Variants in ZNF407 observed in about 807,000 individuals in gnomAD.
ZNF407 encodes the protein zinc finger protein 407.
A neutral mutation model predicts 131.2 loss-of-function variants in ZNF407; 17 were observed. The ratio of observed to expected loss-of-function variants is 0.13; its 90% CI spans 0.09 to 0.19. ZNF407 has a LOEUF of 0.19. Ranked by LOEUF, ZNF407 falls within the 10% of genes least tolerant of loss-of-function variation. The pLI, the probability that ZNF407 is intolerant of heterozygous loss-of-function variation, is 1.00. For missense variants in ZNF407, 2,681 were observed against 2,830.6 expected (o/e 0.95, Z 1.20); for synonymous variants, 1,156 against 1,062.0 (o/e 1.09, Z -1.72).
chr18:74,877,490 G>C (rs1971175619), intron 5 of ZNF407, 127 bp downstream of exon 5: 1 of 931,438 alleles, frequency 1.1e-6, no homozygotes, highest in Non-Finnish European at 1.6e-6. Flanking sequence ...CTTTAAGATT[G>C]TGGTAATTAT....
chr18:75,061,829 G>C (rs1224280125), intron 8 of ZNF407: 1 of 152,508 alleles, frequency 6.6e-6, no homozygotes, highest in African/African-American at 2.4e-5. Flanking sequence ...TTTCTCTCCT[G>C]GTCTCCCCTT....
intron 4 of ZNF407, among the ~76,000 whole-genome samples, chr18:74,851,267 G>A (rs979716168): frequency 6.6e-5 from 10 of 152,120 alleles, no homozygotes; most frequent in Admixed American, 2.6e-4. Flanking sequence ...CATTATTGCC[G>A]CGAGTTCTCG....
chr18:74,862,758 C>CT (rs1327793939), intron 4 of ZNF407, among the ~76,000 whole-genome samples: 1 of 152,056 alleles, frequency 6.6e-6, no homozygotes, highest in African/African-American at 2.4e-5. Context: ...CTTTGCTTCC[C>CT]TTTTTGCCAA....
At position 75,064,529 on chromosome 18, in the gene ZNF407, A is replaced by G; in HGVS notation, c.*61A>G. 1 of 1,363,886 alleles carries G rather than the reference A, an allele frequency of 7.3e-7. No individual in the cohort carries two copies. The highest frequency in any genetic ancestry group is 1.6e-5 in the South Asian group (1 of 63,854). The allele number at this position is 1,363,886 out of a possible 1,614,324, so 84.5% of individuals were successfully genotyped here. A position where few individuals can be genotyped will look rare whatever the true frequency, so the allele number is the denominator to read the frequency against. On this transcript the variant is annotated 3_prime_UTR_variant, in exon 9 of 9. Transcript: ENST00000299687. ...TGGGAAGGTCCAGCTTCGGTGGGGGACCGTGTTCCCTGAGCTTCATCTGAA... is the reference window on the plus strand; with the variant it reads ...TGGGAAGGTCCAGCTTCGGTGGGGGGCCGTGTTCCCTGAGCTTCATCTGAA...
At chr18:74,928,775 C>T (rs115832779) in intron 8 of ZNF407, among the ~76,000 whole-genome samples, 119 of 152,196 alleles carry the variant, frequency 7.8e-4, no homozygotes, top group African/African-American at 2.4e-3. Context: ...CCTGTCCCTC[C>T]GGCCTTCCCT....
chr18:74,712,474 A>C (rs1967789391), intron 3 of ZNF407, among the ~76,000 whole-genome samples: 1 of 152,200 alleles, frequency 6.6e-6, no homozygotes, highest in Non-Finnish European at 1.5e-5. Context: ...TGCTTTGGTT[A>C]GTCCTTTTCC....
intron 7 of ZNF407, among the ~76,000 whole-genome samples, chr18:74,891,957 A>G (rs568318830): frequency 1.3e-5 from 2 of 152,194 alleles, no homozygotes; most frequent in East Asian, 3.9e-4. Context: ...CATGTCAATA[A>G]TTATTCTCCT....
intron 3 of ZNF407, among the ~76,000 whole-genome samples, chr18:74,762,800 A>G (rs1037672869): frequency 1.3e-5 from 2 of 152,006 alleles, no homozygotes; most frequent in Admixed American, 1.3e-4. Context: ...ATTGCTGAGC[A>G]GAATTACATT....
chr18:74,738,422 G>GAAAA (rs10602546), intron 3 of ZNF407, among the ~76,000 whole-genome samples: 1 of 65,724 alleles, frequency 1.5e-5, no homozygotes, highest in Non-Finnish European at 2.6e-5. Flanking sequence ...TCTGTCTCAA[G>GAAAA]AAAAAAAAAA....
At chr18:74,696,516 A>G (rs148867450) in intron 3 of ZNF407, among the ~76,000 whole-genome samples, 185 of 152,296 alleles carry the variant, frequency 1.2e-3, no homozygotes, top group Non-Finnish European at 2.0e-3. Flanking sequence ...CAATGACTGT[A>G]TTATAGTTCT....
chr18:74,714,591 C>T lies in ZNF407; in HGVS notation c.4803-66837C>T, dbSNP rs183772269. 2.6e-3 allele frequency among the ~76,000 whole-genome samples: 391 copies of T among 152,262 alleles called. 4 individuals are homozygous for T. The highest frequency in any genetic ancestry group is 6.3e-3 in the Admixed American group (96 of 15,300). ...TTGTCAGTTTTGAAGACTAGTAACT[C>T]TTTTACTGTCTTCTGGCATGATGCT... is the stretch of plus-strand genomic sequence containing the variant. On this transcript the variant is annotated intron_variant, in intron 3 of 8. Coordinates refer to ENST00000299687, the MANE Select transcript of ZNF407 (RefSeq NM_017757.3).
At chr18:74,888,571 A>G (rs999068726) in intron 6 of ZNF407, among the ~76,000 whole-genome samples, 4 of 152,230 alleles carry the variant, frequency 2.6e-5, no homozygotes, top group African/African-American at 9.6e-5. Context: ...GATAAAAGTT[A>G]CACTTCAAAA....
chr18:74,623,239 AGT>A (rs917206097), intron 1 of ZNF407, among the ~76,000 whole-genome samples: 2 of 149,222 alleles, frequency 1.3e-5, no homozygotes, highest in Non-Finnish European at 3.0e-5. Context: ...TGCGGGTGTT[AGT>A]GTGTGTGCAT....
At chr18:74,776,430 C>T (rs1969473086) in intron 3 of ZNF407, among the ~76,000 whole-genome samples, 1 of 152,154 alleles carries the variant, frequency 6.6e-6, no homozygotes, top group African/African-American at 2.4e-5. Flanking sequence ...TTTTCTATGA[C>T]AGAAATATTT....
intron 5 of ZNF407, among the ~76,000 whole-genome samples, chr18:74,878,182 A>G (rs1971185889): frequency 6.6e-6 from 1 of 151,982 alleles, no homozygotes; most frequent in African/African-American, 2.4e-5. Flanking sequence ...TTACAAGCTT[A>G]TATTTGAGTC....
intron 3 of ZNF407, among the ~76,000 whole-genome samples, chr18:74,749,122 A>G (rs1599120508): frequency 1.3e-5 from 2 of 152,196 alleles, no homozygotes; most frequent in Non-Finnish European, 2.9e-5. Context: ...ACTAACATTC[A>G]GCCCACAAAA....
At chr18:74,744,408 C>A (rs1418336495) in intron 3 of ZNF407, among the ~76,000 whole-genome samples, 1 of 152,150 alleles carries the variant, frequency 6.6e-6, no homozygotes, top group Non-Finnish European at 1.5e-5. Context: ...TGGTTATCCA[C>A]TTCTGTAGTC....
At chr18:74,790,305 C>T (rs1424322839) in intron 4 of ZNF407, among the ~76,000 whole-genome samples, 4 of 152,034 alleles carry the variant, frequency 2.6e-5, no homozygotes, top group African/African-American at 9.7e-5. Context: ...TAAGATAAAA[C>T]CGAATTCTGT....
intron 3 of ZNF407, among the ~76,000 whole-genome samples, chr18:74,751,328 C>G (rs1024674691): frequency 2.6e-5 from 4 of 152,054 alleles, no homozygotes; most frequent in African/African-American, 9.6e-5. Context: ...TGTGGCTACG[C>G]ACGTCTCAAT....
Sources: gnomAD v4.1 joint callset for allele counts (sites outside exome capture counted in the v4.1 genomes callset) on GRCh38, gnomAD v4.1.1 for gene constraint, MANE v1.5 for transcripts, NCBI Gene and HGNC (gene_info 2026-07-23, HGNC 2026-07-21) for gene names.